Variants in DSCAML1 observed in about 807,000 individuals in gnomAD.
DSCAML1 encodes the protein cell adhesion molecule DSCAML1.
A neutral mutation model predicts 200.5 loss-of-function variants in DSCAML1; 38 were observed. That is an observed-to-expected ratio of 0.19 (90% CI 0.15 to 0.25). DSCAML1 has a LOEUF of 0.25. Ranked by LOEUF, DSCAML1 falls within the 10% of genes least tolerant of loss-of-function variation. The pLI is 1.00. For missense variants in DSCAML1, 2,223 were observed against 2,858.8 expected (o/e 0.78, Z 5.07); for synonymous variants, 1,215 against 1,165.0 (o/e 1.04, Z -0.87).
rs183703163 is a variant in DSCAML1 at position 117,543,943 on chromosome 11, C to G, written c.512-11421G>C. 2.8e-3 allele frequency among the ~76,000 whole-genome samples: 430 copies of G among 152,176 alleles called. 2 individuals carry two copies. The highest frequency in any genetic ancestry group is 5.6e-3 in the Admixed American group (85 of 15,290). ...ATTGGAGTCAGATGCCTTCCTGAAG[C>G]AGGAAAACCAGAAGCTGAGGAAGGG... On this transcript the variant is annotated intron_variant, in intron 3 of 32. Transcript: ENST00000651296.
At chr11:117,731,207 G>T (rs1339329877) in intron 3 of DSCAML1, among the ~76,000 whole-genome samples, 1 of 152,140 alleles carries the variant, frequency 6.6e-6, no homozygotes, top group Non-Finnish European at 1.5e-5. Context: ...GCCCAGAGAA[G>T]GTGGTCAATC....
At chr11:117,812,297 T>C (rs575620883) in intron 1 of DSCAML1, among the ~76,000 whole-genome samples, 2,269 of 152,010 alleles carry the variant, frequency 0.015, 50 homozygotes, top group African/African-American at 0.051. Flanking sequence ...TTAATGCCTG[T>C]TATCACTCGC....
intron 26 of DSCAML1, among the ~76,000 whole-genome samples, chr11:117,436,270 G>C (rs937802361): frequency 1.3e-5 from 2 of 152,060 alleles, no homozygotes; most frequent in Non-Finnish European, 2.9e-5. Context: ...CCTCCTGGGG[G>C]CCATATCTGT....
rs774969097 is a variant in DSCAML1 at position 117,430,842 on chromosome 11, T to C, written c.5566A>G (p.Thr1856Ala). 1 of 1,614,184 alleles carries C rather than the reference T, an allele frequency of 6.2e-7. No homozygotes were observed. Among genetic ancestry groups the C allele is most frequent in the Non-Finnish European group, 8.5e-7 (1 of 1,180,032 alleles). Residue 1856 changes from threonine to alanine, a missense_variant, in exon 32 of 33, where the codon ACA (threonine) becomes GCA (alanine). Physicochemically the swap from Thr to Ala is moderately conservative, Grantham distance 58 (BLOSUM62 0). Transcript: ENST00000651296. ...GGCTCTGAGGGTGTGCTCATGGATGTCATGCTGTCGGCGTTCTCGTTGGTG... is the reference window on the plus strand; with the variant it reads ...GGCTCTGAGGGTGTGCTCATGGATGCCATGCTGTCGGCGTTCTCGTTGGTG... The part of the protein sequence containing the change: ...TGTNENADSM[T>A]SMSTPSEPGI...
chr11:117,512,794 CA>C (rs1565754051), intron 8 of DSCAML1, among the ~76,000 whole-genome samples: 31 of 150,470 alleles, frequency 2.1e-4, no homozygotes, highest in Middle Eastern at 3.4e-3. Flanking sequence ...CACACACACA[CA>C]CACACACCCC....
chr11:117,465,319 A>G, intron 16 of DSCAML1, 137 bp from the exon 17 acceptor site: 1 of 1,226,978 alleles, frequency 8.2e-7, no homozygotes, highest in South Asian at 1.5e-5. Flanking sequence ...TGAAAGCCAA[A>G]GTCCTTACAA....
chr11:117,574,468 A>G (rs1331687737), intron 3 of DSCAML1, among the ~76,000 whole-genome samples: 2 of 151,380 alleles, frequency 1.3e-5, no homozygotes, highest in African/African-American at 2.4e-5. Context: ...CAAATCACCT[A>G]CTCTCTGCTC....
intron 3 of DSCAML1, among the ~76,000 whole-genome samples, chr11:117,595,642 A>G (rs2051350571): frequency 6.6e-6 from 1 of 152,198 alleles, no homozygotes; most frequent in African/African-American, 2.4e-5. Flanking sequence ...GAGGCAGAGG[A>G]TGAGCGCCTC....
chr11:117,585,711 A>G (rs756390509), intron 3 of DSCAML1, among the ~76,000 whole-genome samples: 57 of 152,192 alleles, frequency 3.7e-4, no homozygotes, highest in Non-Finnish European at 6.8e-4. Flanking sequence ...GCAATGCAGG[A>G]TGTAGCTGGC....
chr11:117,816,488 C>T (rs2055808156), intron 1 of DSCAML1, among the ~76,000 whole-genome samples: 2 of 152,238 alleles, frequency 1.3e-5, no homozygotes, highest in African/African-American at 4.8e-5. Context: ...CCCAGAGGCC[C>T]CTGATGAATT....
chr11:117,684,914 C>G (rs1466114080), intron 3 of DSCAML1, among the ~76,000 whole-genome samples: 2 of 152,208 alleles, frequency 1.3e-5, no homozygotes, highest in African/African-American at 4.8e-5. Context: ...CTTCAAGTAG[C>G]CAAAGTGGGC....
intron 11 of DSCAML1, among the ~76,000 whole-genome samples, chr11:117,499,266 C>G (rs1355241718): frequency 6.6e-6 from 1 of 152,072 alleles, no homozygotes; most frequent in African/African-American, 2.4e-5. Context: ...GTGGTATTTT[C>G]TTCTGTTAAC....
In DSCAML1 at chr11:117,705,420, GAAGA is replaced by G. The variant is rs569485206; in HGVS notation, c.511+71367_511+71370del. Among the ~76,000 whole-genome samples, 35 of 152,260 alleles carry G rather than the reference GAAGA, an allele frequency of 2.3e-4. No homozygotes were observed. In the South Asian group the frequency reaches 6.4e-3, roughly 28 times the overall value. ...ACTTTCTACTCCCCAGCAACACAGA[GAAGA>G]AAGATTTTGTTTCTTGCTAAAAATC... On this transcript the variant is annotated intron_variant, in intron 3 of 32. Transcript: ENST00000651296.
intron 3 of DSCAML1, among the ~76,000 whole-genome samples, chr11:117,763,415 C>T (rs1030586816): frequency 1.6e-4 from 25 of 151,548 alleles, no homozygotes; most frequent in Non-Finnish European, 7.4e-5. Context: ...CAACGGGAGA[C>T]GTGGACTCCA....
intron 14 of DSCAML1, among the ~76,000 whole-genome samples, chr11:117,476,718 GTAT>G (rs1455854560): frequency 6.6e-6 from 1 of 152,212 alleles, no homozygotes; most frequent in Non-Finnish European, 1.5e-5. Context: ...CGGCATTCAT[GTAT>G]TATTACTCTG....
At chr11:117,634,792 C>T (rs928849795) in intron 3 of DSCAML1, among the ~76,000 whole-genome samples, 1 of 152,186 alleles carries the variant, frequency 6.6e-6, no homozygotes, top group Non-Finnish European at 1.5e-5. Flanking sequence ...GGTGGTGGGT[C>T]GCAGGTTGGA....
At chr11:117,510,322 A>T (rs931586119) in intron 8 of DSCAML1, among the ~76,000 whole-genome samples, 2 of 152,096 alleles carry the variant, frequency 1.3e-5, no homozygotes, top group African/African-American at 4.8e-5. Flanking sequence ...CCGGTTCCAG[A>T]CTCTGCTACC....
intron 3 of DSCAML1, among the ~76,000 whole-genome samples, chr11:117,707,725 G>A (rs147146093): frequency 0.035 from 5,298 of 151,918 alleles, 142 homozygotes; most frequent in East Asian, 0.12. Context: ...AGTAGAGACG[G>A]GGTTTCACCA....
At position 117,780,286 on chromosome 11, in the gene DSCAML1, AAGAAAGAAAGAAAGAAAGAG is replaced by A. The variant is rs2055223747; in HGVS notation, c.364+187_364+206del. On this transcript the variant is annotated intron_variant, in intron 2 of 32. Transcript: ENST00000651296. The surrounding 1 kb of genome is among the most constrained non-coding windows in gnomAD (Gnocchi z 4.8). ...AAAGAAAGAAAGAAAGAAAGAAAGA[AAGAAAGAAAGAAAGAAAGAG>A]AGAAAGGAGAAAGAAAGGTGTCTCT... 2.1e-5 allele frequency among the ~76,000 whole-genome samples: 2 copies of A among 96,762 alleles called. No homozygotes were observed. The highest frequency in any genetic ancestry group is 9.9e-5 in the Admixed American group (1 of 10,130). The allele number at this position is 96,762 out of a possible 152,430, so 63.5% of individuals were successfully genotyped here. A position where few individuals can be genotyped will look rare whatever the true frequency, so the allele number is the denominator to read the frequency against.
Sources: allele counts gnomAD v4.1 joint callset (sites outside exome capture counted in the v4.1 genomes callset), GRCh38; gene constraint gnomAD v4.1.1; non-coding constraint Gnocchi (gnomAD v3.1); transcripts MANE v1.5; gene names NCBI Gene and HGNC (gene_info 2026-07-23, HGNC 2026-07-21).